RAB38: variants seen among roughly 807,000 people sequenced by gnomAD.
RAB38 encodes RAB38, member RAS oncogene family.
A neutral mutation model predicts 18.4 loss-of-function variants in RAB38; 15 were observed. The observed-to-expected ratio is 0.82, with a 90% CI of 0.55 to 1.26. The LOEUF is 1.26. RAB38 is among the 50% of genes most tolerant of loss of function. The pLI is 0.00. For synonymous variants in RAB38, 101 were observed against 104.4 expected (o/e 0.97, Z 0.20); for missense variants, 294 against 267.4 (o/e 1.10, Z -0.69).
the RAB38 span, among the ~76,000 whole-genome samples, chr11:87,821,076 GTT>G: frequency 6.6e-6 from 1 of 152,266 alleles, no homozygotes. Flanking sequence ...ATTGGAATGA[GTT>G]TAGGCTGAGA....
the RAB38 span, among the ~76,000 whole-genome samples, chr11:88,022,716 A>T: frequency 4.0e-5 from 6 of 151,696 alleles, no homozygotes; most frequent in East Asian, 1.2e-3. Context: ...TGCAAAGAAC[A>T]TGATATCATT....
At chr11:87,922,889 T>C in the RAB38 span, among the ~76,000 whole-genome samples, 7 of 120,512 alleles carry the variant, frequency 5.8e-5, no homozygotes, top group East Asian at 2.3e-4. Flanking sequence ...GGATGGGAGA[T>C]GGAAGGGGGA....
chr11:88,070,988 A>G, the RAB38 span, among the ~76,000 whole-genome samples: 3 of 152,346 alleles, frequency 2.0e-5, no homozygotes, highest in African/African-American at 7.2e-5. Context: ...ATGGGCTAAT[A>G]TGAACGTTTA....
At chr11:87,823,816 A>G in the RAB38 span, among the ~76,000 whole-genome samples, 1 of 152,172 alleles carries the variant, frequency 6.6e-6, no homozygotes, top group Non-Finnish European at 1.5e-5. Flanking sequence ...TTCAGCAATA[A>G]AAAGGAACAC....
the RAB38 span, among the ~76,000 whole-genome samples, chr11:87,958,929 G>C: frequency 6.6e-6 from 1 of 152,068 alleles, no homozygotes; most frequent in Admixed American, 6.6e-5. Context: ...CCCCAAATAA[G>C]ACAATAGAGA....
chr11:87,855,399 C>T, the RAB38 span, among the ~76,000 whole-genome samples: 1 of 152,086 alleles, frequency 6.6e-6, no homozygotes, highest in African/African-American at 2.4e-5. Flanking sequence ...CTGTGGACCT[C>T]TATTGGCTTA....
the RAB38 span, among the ~76,000 whole-genome samples, chr11:87,867,488 A>G: frequency 6.6e-6 from 1 of 151,776 alleles, no homozygotes; most frequent in Admixed American, 6.6e-5. Context: ...GATAGTCACA[A>G]CAACTATTCA....
At chr11:87,886,486 G>T in the RAB38 span, among the ~76,000 whole-genome samples, 3,418 of 151,978 alleles carry the variant, frequency 0.022, 55 homozygotes, top group Non-Finnish European at 0.034. Flanking sequence ...AAATCATCAA[G>T]TGCTGCAAAC....
At chr11:88,099,984 GA>G in the RAB38 span, 1 of 151,728 alleles carries the variant, frequency 6.6e-6, no homozygotes, top group African/African-American at 2.4e-5. Flanking sequence ...AGTTTTATCA[GA>G]AAGTGTTTAG....
the RAB38 span, among the ~76,000 whole-genome samples, chr11:87,875,883 G>C: frequency 6.6e-6 from 1 of 151,470 alleles, no homozygotes; most frequent in African/African-American, 2.4e-5. Context: ...TCTTTTAGAT[G>C]TTCTATATCT....
At chr11:87,960,330 C>G in the RAB38 span, among the ~76,000 whole-genome samples, 1 of 145,752 alleles carries the variant, frequency 6.9e-6, no homozygotes, top group Non-Finnish European at 1.5e-5. Flanking sequence ...CTAGTGACCA[C>G]AGTTTGAGTA....
chr11:88,049,413 A>G, the RAB38 span, among the ~76,000 whole-genome samples: 1 of 147,978 alleles, frequency 6.8e-6, no homozygotes, highest in Non-Finnish European at 1.5e-5. Context: ...AAGCTCCCCC[A>G]CTGAGCACCT....
the RAB38 span, among the ~76,000 whole-genome samples, chr11:87,886,135 G>T: frequency 6.6e-6 from 1 of 151,910 alleles, no homozygotes; most frequent in Non-Finnish European, 1.5e-5. Flanking sequence ...TAAATAGCGT[G>T]GGCTCCCAGA....
At chr11:87,955,418 G>C in the RAB38 span, among the ~76,000 whole-genome samples, 2 of 152,036 alleles carry the variant, frequency 1.3e-5, no homozygotes, top group Non-Finnish European at 2.9e-5. Flanking sequence ...CTCACTACTA[G>C]GGTGACATGA....
the RAB38 span, among the ~76,000 whole-genome samples, chr11:87,803,753 C>G: frequency 1.3e-5 from 2 of 152,170 alleles, no homozygotes; most frequent in African/African-American, 4.8e-5. Flanking sequence ...GTATCTGCTT[C>G]CAAGATACAG....
At chr11:87,821,124 T>A in the RAB38 span, among the ~76,000 whole-genome samples, 1 of 152,188 alleles carries the variant, frequency 6.6e-6, no homozygotes, top group Non-Finnish European at 1.5e-5. Flanking sequence ...ATCCACATTT[T>A]TTTTAAGTCC....
the RAB38 span, among the ~76,000 whole-genome samples, chr11:87,913,911 G>C: frequency 6.6e-6 from 1 of 151,932 alleles, no homozygotes; most frequent in Non-Finnish European, 1.5e-5. Flanking sequence ...CCTCATTCTT[G>C]GAACTCTCAG....
chr11:88,096,381 G>T, the RAB38 span, among the ~76,000 whole-genome samples: 2 of 151,662 alleles, frequency 1.3e-5, no homozygotes, highest in African/African-American at 4.8e-5. Flanking sequence ...CTGCTCAATT[G>T]TCATCTCCAC....
chr11:88,041,353 C>A, the RAB38 span, among the ~76,000 whole-genome samples: 1 of 152,146 alleles, frequency 6.6e-6, no homozygotes, highest in African/African-American at 2.4e-5. Context: ...CCACGTGCTC[C>A]TCTCTTTGCC....
Sources: allele counts gnomAD v4.1 joint callset (sites outside exome capture counted in the v4.1 genomes callset), GRCh38; gene constraint gnomAD v4.1.1; transcripts MANE v1.5; gene names NCBI Gene and HGNC (gene_info 2026-07-23, HGNC 2026-07-21).